Variants in TTC14 observed in about 807,000 individuals in gnomAD.
TTC14 encodes tetratricopeptide repeat domain 14.
In TTC14, 63 loss-of-function variants were observed where a neutral mutation model predicts 79.9. The ratio of observed to expected loss-of-function variants is 0.79; its 90% CI spans 0.64 to 0.97. TTC14 has a LOEUF of 0.97. Among genes scored for constraint, TTC14 ranks in the 50% least tolerant of loss-of-function variants. The pLI is 0.00. For missense variants in TTC14, 895 were observed against 894.0 expected (o/e 1.00, Z -0.01); for synonymous variants, 335 against 309.6 (o/e 1.08, Z -0.86).
chr3:180,607,787 G>T (rs1716776288), intron 10 of TTC14, 22 bp downstream of exon 10: 1 of 1,598,252 alleles, frequency 6.3e-7, no homozygotes, highest in African/African-American at 1.4e-5. Flanking sequence ...TTTCCTCTTA[G>T]AAATTTAGTG....
In TTC14 at chr3:180,607,666, G is replaced by A. The variant is rs772293335; in HGVS notation, c.1191G>A (p.Lys397=). ...AATTTAGGTTAGAAGAAGAAGAAAA[G>A]TTTTTAAATGCTGAAAGTTACTATA... ...ERGGQLEEEE[K]FLNAESYYKK... is the part of the protein sequence containing the mutation. The change falls in exon 10 of 12, where the codon AAG becomes AAA. Residue 397 remains lysine (K), a synonymous_variant. Coordinates refer to ENST00000296015, the MANE Select transcript of TTC14 (RefSeq NM_133462.4). The A allele has an allele frequency of 6.2e-7, 1 of 1,602,836 alleles. No individual in the cohort carries two copies. The highest frequency in any genetic ancestry group is 2.2e-5 in the East Asian group (1 of 44,672).
downstream of TTC14, among the ~76,000 whole-genome samples, chr3:180,612,643 G>A (rs995294136): frequency 4.0e-5 from 6 of 151,584 alleles, no homozygotes; most frequent in Non-Finnish European, 8.8e-5. Context: ...CCAGCTATGC[G>A]GGAGGATCGC....
downstream of TTC14, among the ~76,000 whole-genome samples, chr3:180,615,590 C>T (rs934113904): frequency 6.6e-6 from 1 of 152,000 alleles, no homozygotes; most frequent in Non-Finnish European, 1.5e-5. Flanking sequence ...TATATAGAAA[C>T]AGTTTTTTAT....
At position 180,610,072 on chromosome 3, in the gene TTC14, A is replaced by C; in HGVS notation, c.1843A>C (p.Lys615Gln). The C allele has an allele frequency of 6.2e-7, 1 of 1,613,812 alleles. No homozygotes were observed. The highest frequency in any genetic ancestry group is 8.5e-7 in the Non-Finnish European group (1 of 1,179,910). Residue 615 changes from lysine (K) to glutamine (Q), a missense_variant, in exon 12 of 12, where the codon AAG becomes CAG. Lys to Gln is a moderately conservative substitution (Grantham distance 53). Transcript: ENST00000296015. ...KTQAGSSKTE[K>Q]PYKSERHFSS... ...CCAAGCAGGTAGTAGCAAAACAGAA[A>C]AGCCATATAAATCAGAAAGACATTT...
Position 180,616,887 on chromosome 3 carries a change from G to A in TTC14, c.1775-493G>A, listed in dbSNP as rs755495253. The A allele has an allele frequency of 6.3e-7, 1 of 1,586,208 alleles. No homozygotes were observed. Among genetic ancestry groups the A allele is most frequent in the Non-Finnish European group, 8.6e-7 (1 of 1,157,006 alleles). On this transcript the variant is annotated intron_variant, in intron 12 of 12. Transcript: ENST00000382584. ...CTCCGTTTCTTTACTTAGTTGAAAT[G>A]AATAAGCCTGCTTCTCTGATAACTT...
At position 180,609,769 on chromosome 3, in the gene TTC14, C is replaced by T. The variant is rs934289643; in HGVS notation, c.1540C>T (p.Arg514Cys). Residue 514 changes from arginine to cysteine, a missense_variant, in exon 12 of 12, where the codon CGC becomes TGC. Coordinates refer to ENST00000296015, the MANE Select transcript of TTC14 (RefSeq NM_133462.4). The stretch of plus-strand genomic sequence containing the variant: ...TAAGAGGAACCGTTCAGAGTCTTCT[C>T]GCAGTTCCAGAAGGCATTCATCTAG... ...KHKRNRSESSRSSRRHSSRAS... is the reference protein window; with the variant it reads ...KHKRNRSESSCSSRRHSSRAS... 43 of 1,613,836 alleles carry T rather than the reference C, an allele frequency of 2.7e-5. No individual in the cohort carries two copies. The Admixed American group carries it at 3.7e-4, about 14-fold the overall frequency.
intron 8 of TTC14, 30 bp from the exon 9 acceptor site, chr3:180,606,451 C>G: frequency 6.2e-7 from 1 of 1,613,204 alleles, no homozygotes; most frequent in Non-Finnish European, 8.5e-7. Context: ...TTGTGAGATA[C>G]AGCCCTCTAT....
chr3:180,614,987 G>T, downstream of TTC14: 3 of 1,564,568 alleles, frequency 1.9e-6, no homozygotes, highest in Non-Finnish European at 2.6e-6. Flanking sequence ...GCCTAGAAGG[G>T]CTGCCTACTA....
intron 12 of TTC14, chr3:180,616,663 C>G: frequency 6.3e-7 from 1 of 1,591,482 alleles, no homozygotes; most frequent in Non-Finnish European, 8.6e-7. Flanking sequence ...TTGTGTCTTT[C>G]AAAAGACGGA....
intron 12 of TTC14, chr3:180,616,716 A>C: frequency 6.3e-7 from 1 of 1,579,086 alleles, no homozygotes; most frequent in Non-Finnish European, 8.6e-7. Context: ...ATAATAGTCA[A>C]TTATTCTATA....
Position 180,605,800 on chromosome 3 carries a change from T to G in TTC14, c.892T>G (p.Leu298Val). The G allele has an allele frequency of 6.4e-7, 1 of 1,570,622 alleles. No individual in the cohort carries two copies. The highest frequency in any genetic ancestry group is 1.2e-5 in the South Asian group (1 of 84,066). ...CTCTGAAGATGATTTTGCTTCTGCA[T>G]TGAGAAAAAAACAATCCGCATCTTG... ...NFSEDDFASA[L>V]RKKQSASWAL... Residue 298 changes from leucine (L) to valine (V), a missense_variant, in exon 7 of 12, where the codon TTG becomes GTG. By Grantham distance (32) the Leu-to-Val change is conservative. Coordinates refer to ENST00000296015, the MANE Select transcript of TTC14 (RefSeq NM_133462.4).
In TTC14 at chr3:180,610,146, C is replaced by T. The variant is rs2108398447; in HGVS notation, c.1917C>T (p.Asp639=). ...ATTCCTTCTGTAGGAATTCAGAGGA[C>T]AAGATTTATGGTTATAGGAGATTTG... ...SSDSFCRNSE[D]KIYGYRRFEK... The change falls in exon 12 of 12, where the codon GAC becomes GAT. Residue 639 remains aspartate (D), a synonymous_variant. Coordinates refer to ENST00000296015, the MANE Select transcript of TTC14 (RefSeq NM_133462.4). 1.2e-6 allele frequency: 2 copies of T among 1,612,560 alleles called. No individual in the cohort carries two copies. The highest frequency in any genetic ancestry group is 1.3e-5 in the African/African-American group (1 of 74,736).
In TTC14 at chr3:180,604,460, C is replaced by G; in HGVS notation, c.572-18C>G. 1.5e-6 allele frequency: 2 copies of G among 1,309,438 alleles called. No individual in the cohort carries two copies. Among genetic ancestry groups the G allele is most frequent in the South Asian group, 1.4e-5 (1 of 69,314 alleles). 81.1% of individuals were successfully genotyped at this position (1,309,438 alleles called of 1,614,324 possible). A position where few individuals can be genotyped will look rare whatever the true frequency, so the allele number is the denominator to read the frequency against. On this transcript the variant is annotated intron_variant, in intron 4 of 11. Transcript: ENST00000296015. ...TTTTCTTACTAATCAGCTTAGTTCT[C>G]TTTTTTTTTTTCTTAAGCTGGAATC...
rs770484005 is a variant in TTC14 at position 180,606,594 on chromosome 3, G to A, written c.1163G>A (p.Arg388Lys). 8 of 1,612,674 alleles carry A rather than the reference G, an allele frequency of 5.0e-6. No individual in the cohort carries two copies. The highest frequency in any genetic ancestry group is 4.2e-6 in the Non-Finnish European group (5 of 1,179,590). The change falls in exon 9 of 12, where the codon AGA becomes AAA. Residue 388 changes from arginine (R) to lysine (K), a missense_variant. Physicochemically the swap from Arg to Lys is conservative, Grantham distance 26 (BLOSUM62 2). Transcript: ENST00000296015. ...RKYLCQTLVE[R>K]GGQLEEEEKF... The stretch of plus-strand genomic sequence containing the variant: ...TACCTCTGCCAGACACTTGTAGAGA[G>A]AGGAGGACAGTAAGTATCAGATTTT...
downstream of TTC14, chr3:180,614,929 T>C: frequency 6.4e-7 from 1 of 1,560,710 alleles, no homozygotes; most frequent in South Asian, 1.2e-5. Context: ...GTTTATTTGC[T>C]GCTCTTTTTG....
chr3:180,616,177 A>G (rs1431415030), intron 12 of TTC14: 3 of 866,584 alleles, frequency 3.5e-6, no homozygotes, highest in African/African-American at 1.7e-5. Context: ...ACTGGCAGTG[A>G]GTGCATGGGC....
In TTC14 at chr3:180,603,155, A is replaced by C. The variant is rs758577385; in HGVS notation, c.318A>C (p.Gln106His). 1 of 1,613,858 alleles carries C rather than the reference A, an allele frequency of 6.2e-7. No individual in the cohort carries two copies. Among genetic ancestry groups the C allele is most frequent in the African/African-American group, 1.3e-5 (1 of 74,866 alleles). ...ATGCAATCATGCCACCTTTAGAGCA[A>C]TTCATGGAGATACCTAGTATGGATC... ...DHYAIMPPLE[Q>H]FMEIPSMDRR... The change falls in exon 3 of 12, where the codon CAA becomes CAC. Residue 106 changes from glutamine to histidine, a missense_variant. Coordinates refer to ENST00000296015, the MANE Select transcript of TTC14 (RefSeq NM_133462.4).
At chr3:180,617,228 G>T (rs1717279399) in intron 12 of TTC14, among the ~76,000 whole-genome samples, 1 of 152,128 alleles carries the variant, frequency 6.6e-6, no homozygotes, top group Non-Finnish European at 1.5e-5. Flanking sequence ...TCATGAGTTT[G>T]TGGTGATGGC....
At chr3:180,605,122 G>A (rs867026420) in intron 6 of TTC14, 115 bp downstream of exon 6, 1 of 1,001,808 alleles carries the variant, frequency 1.0e-6, no homozygotes, top group Non-Finnish European at 1.4e-6. Flanking sequence ...GCAGGCATAT[G>A]CCAAAGGTTG....
Sources: allele counts gnomAD v4.1 joint callset (sites outside exome capture counted in the v4.1 genomes callset), GRCh38; gene constraint gnomAD v4.1.1; transcripts MANE v1.5; gene names NCBI Gene and HGNC (gene_info 2026-07-23, HGNC 2026-07-21).